NELL1: variants seen among roughly 807,000 people sequenced by gnomAD.
The protein encoded by NELL1 is protein kinase C-binding protein NELL1.
In NELL1, 76 loss-of-function variants were observed where a neutral mutation model predicts 107.4. That is an observed-to-expected ratio of 0.71 (90% CI 0.59 to 0.86). The LOEUF (loss-of-function observed/expected upper bound fraction) is 0.86. Ranked by LOEUF, NELL1 falls within the 40% of genes least tolerant of loss-of-function variation. NELL1 has a pLI of 0.00. For synonymous variants in NELL1, 353 were observed against 341.2 expected (o/e 1.03, Z -0.38); for missense variants, 1,024 against 1,005.5 (o/e 1.02, Z -0.25).
At chr11:21,497,502 T>A (rs2133926401) in intron 15 of NELL1, among the ~76,000 whole-genome samples, 1 of 152,266 alleles carries the variant, frequency 6.6e-6, no homozygotes, top group East Asian at 1.9e-4. Context: ...GGTGAATAAT[T>A]GTTATTAAAT....
chr11:20,898,707 G>A (rs1849806864), intron 5 of NELL1, among the ~76,000 whole-genome samples: 1 of 151,372 alleles, frequency 6.6e-6, no homozygotes, highest in East Asian at 1.9e-4. Context: ...AATTAGTGAT[G>A]TGAGTATTTT....
chr11:21,457,027 A>T (rs1853763688), intron 15 of NELL1, among the ~76,000 whole-genome samples: 1 of 152,162 alleles, frequency 6.6e-6, no homozygotes, highest in Non-Finnish European at 1.5e-5. Context: ...TACTTCCATT[A>T]AAGGTTTGGC....
chr11:21,147,791 G>A (rs1264724864), intron 13 of NELL1, among the ~76,000 whole-genome samples: 1 of 130,392 alleles, frequency 7.7e-6, no homozygotes, highest in African/African-American at 3.0e-5. Flanking sequence ...AGCTGAGATG[G>A]CACCATTGCA....
At chr11:21,314,784 A>G (rs1849837643) in intron 14 of NELL1, among the ~76,000 whole-genome samples, 2 of 152,154 alleles carry the variant, frequency 1.3e-5, no homozygotes, top group South Asian at 4.1e-4. Flanking sequence ...GTGAGCTGAC[A>G]TTTTAGATTT....
chr11:20,794,770 T>C (rs16906801), intron 3 of NELL1, among the ~76,000 whole-genome samples: 11,547 of 151,954 alleles, frequency 0.076, 490 homozygotes, highest in Middle Eastern at 0.18. Flanking sequence ...GATGAGAAAA[T>C]AGTCATCCCA....
chr11:20,704,739 G>A (rs1031760645), intron 2 of NELL1, among the ~76,000 whole-genome samples: 1 of 152,050 alleles, frequency 6.6e-6, no homozygotes, highest in Admixed American at 6.6e-5. Flanking sequence ...GTCTGTAAAG[G>A]ATTTTATTTC....
chr11:20,848,228 G>A (rs531096365), intron 4 of NELL1, among the ~76,000 whole-genome samples: 1 of 152,202 alleles, frequency 6.6e-6, no homozygotes, highest in Middle Eastern at 3.2e-3. Context: ...CCAAATGGAG[G>A]CTTCTTAAAG....
At chr11:20,895,503 C>CTTT (rs1367560189) in intron 5 of NELL1, among the ~76,000 whole-genome samples, 2 of 75,324 alleles carry the variant, frequency 2.7e-5, no homozygotes, top group Non-Finnish European at 4.0e-5. Flanking sequence ...GTGATATTTG[C>CTTT]CTTTTTTTTT....
At chr11:20,673,201 T>C (rs1853963840) in intron 1 of NELL1, among the ~76,000 whole-genome samples, 1 of 152,066 alleles carries the variant, frequency 6.6e-6, no homozygotes, top group Non-Finnish European at 1.5e-5. Flanking sequence ...GGTGGATCAT[T>C]AATTATGAAT....
chr11:21,426,702 T>C (rs958341355), intron 15 of NELL1, among the ~76,000 whole-genome samples: 3 of 152,098 alleles, frequency 2.0e-5, no homozygotes, highest in African/African-American at 7.2e-5. Context: ...AAGACAAACA[T>C]CAATAGGGTG....
At chr11:21,566,618 A>G (rs181100093) in intron 17 of NELL1, among the ~76,000 whole-genome samples, 1 of 151,964 alleles carries the variant, frequency 6.6e-6, no homozygotes, top group Non-Finnish European at 1.5e-5. Context: ...TTTGGCATAT[A>G]AGTAGGGATT....
intron 15 of NELL1, among the ~76,000 whole-genome samples, chr11:21,512,803 A>G (rs751158455): frequency 2.0e-5 from 3 of 152,010 alleles, no homozygotes; most frequent in Admixed American, 6.6e-5. Flanking sequence ...TAAAAGCTAC[A>G]TGACTAGAAA....
intron 12 of NELL1, among the ~76,000 whole-genome samples, chr11:20,965,322 A>T (rs1443028552): frequency 6.6e-6 from 1 of 152,220 alleles, no homozygotes; most frequent in Non-Finnish European, 1.5e-5. Context: ...GTATTCACTA[A>T]ATATTGAATA....
chr11:21,399,604 T>C (rs1355342290), intron 15 of NELL1, among the ~76,000 whole-genome samples: 1 of 151,838 alleles, frequency 6.6e-6, no homozygotes, highest in East Asian at 1.9e-4. Context: ...CACATGTGTT[T>C]GCTGATTTAA....
intron 14 of NELL1, among the ~76,000 whole-genome samples, chr11:21,360,185 G>T (rs1303522968): frequency 6.6e-6 from 1 of 151,978 alleles, no homozygotes. Flanking sequence ...CTGTTACGTT[G>T]TGTCACCATT....
intron 12 of NELL1, among the ~76,000 whole-genome samples, chr11:21,017,157 C>T (rs997502743): frequency 2.0e-5 from 3 of 152,060 alleles, no homozygotes; most frequent in Admixed American, 6.6e-5. Flanking sequence ...TTAGAGATAG[C>T]CAATGACGGG....
chr11:21,431,225 A>G (rs905670244), intron 15 of NELL1, among the ~76,000 whole-genome samples: 2 of 152,068 alleles, frequency 1.3e-5, no homozygotes, highest in African/African-American at 2.4e-5. Context: ...GTCTGCACTG[A>G]TGATATATTT....
intron 13 of NELL1, among the ~76,000 whole-genome samples, chr11:21,142,683 G>A: frequency 6.6e-6 from 1 of 152,110 alleles, no homozygotes; most frequent in East Asian, 1.9e-4. Context: ...AGTTTTCCTT[G>A]TTATCCCAAT....
intron 12 of NELL1, among the ~76,000 whole-genome samples, chr11:21,012,170 C>T (rs997688768): frequency 7.2e-5 from 11 of 152,150 alleles, no homozygotes; most frequent in Admixed American, 7.2e-4. Context: ...TGCCGCACTA[C>T]AGTAAGGAGA....
Sources: allele counts gnomAD v4.1 joint callset (sites outside exome capture counted in the v4.1 genomes callset), GRCh38; gene constraint gnomAD v4.1.1; transcripts MANE v1.5; gene names NCBI Gene and HGNC (gene_info 2026-07-23, HGNC 2026-07-21).